DLEC1: variants seen among roughly 807,000 people sequenced by gnomAD.
DLEC1 encodes the protein deleted in lung and esophageal cancer protein 1.
A neutral mutation model predicts 198.1 loss-of-function variants in DLEC1; 146 were observed. The observed-to-expected ratio is 0.74, with a 90% CI of 0.64 to 0.85. DLEC1 has a LOEUF of 0.85. Among genes scored for constraint, DLEC1 ranks in the 40% least tolerant of loss-of-function variants. The pLI, the probability that DLEC1 is intolerant of heterozygous loss-of-function variation, is 0.00. For missense variants in DLEC1, 2,233 were observed against 2,220.0 expected (o/e 1.01, Z -0.12); for synonymous variants, 897 against 866.8 (o/e 1.03, Z -0.61).
chr3:38,105,756 T>A (rs1699537420), intron 19 of DLEC1, among the ~76,000 whole-genome samples: 1 of 152,206 alleles, frequency 6.6e-6, no homozygotes, highest in Admixed American at 6.5e-5. Flanking sequence ...TTTAATCCCT[T>A]TATATTTAAT....
In DLEC1 at chr3:38,093,600, G is replaced by A. The variant is rs923867029; in HGVS notation, c.1757-5G>A. 6.2e-7 allele frequency: 1 copy of A among 1,613,924 alleles called. No homozygotes were observed. The highest frequency in any genetic ancestry group is 1.3e-5 in the African/African-American group (1 of 74,880). ...TCACTGACTTCACTTACTCTACTTT[G>A]GCAGGAATTGGGCAGCTGATTGCTT... On this transcript the variant is annotated splice_polypyrimidine_tract_variant and splice_region_variant and intron_variant, in intron 11 of 36. Coordinates refer to ENST00000308059, the MANE Select transcript of DLEC1 (RefSeq NM_007335.4).
chr3:38,075,768 T>C (rs1037425011), intron 6 of DLEC1, among the ~76,000 whole-genome samples: 3 of 151,964 alleles, frequency 2.0e-5, no homozygotes, highest in Non-Finnish European at 4.4e-5. Flanking sequence ...TGGGGGTTCT[T>C]GCCCCCTAGA....
chr3:38,111,352 G>A (rs1699867282), intron 23 of DLEC1, among the ~76,000 whole-genome samples: 1 of 152,242 alleles, frequency 6.6e-6, no homozygotes, highest in Admixed American at 6.5e-5. Context: ...AGTCTGGGCT[G>A]GGTTTGTGTC....
intron 2 of DLEC1, among the ~76,000 whole-genome samples, chr3:38,055,752 G>A (rs1035496595): frequency 2.0e-5 from 3 of 152,096 alleles, no homozygotes; most frequent in African/African-American, 7.2e-5. Flanking sequence ...TTAACTGGGT[G>A]ACCCTGGTTA....
At position 38,116,837 on chromosome 3, in the gene DLEC1, C is replaced by T; in HGVS notation, c.4127C>T (p.Ala1376Val). The T allele has an allele frequency of 3.1e-6, 5 of 1,613,816 alleles. No homozygotes were observed. Among genetic ancestry groups the T allele is most frequent in the Non-Finnish European group, 4.2e-6 (5 of 1,179,880 alleles). The change falls in exon 29 of 37, where the codon GCA (alanine) becomes GTA (valine). Residue 1376 changes from alanine (A) to valine (V), a missense_variant. By Grantham distance (64) the Ala-to-Val change is moderately conservative. Transcript: ENST00000308059. ...AQKLISVILQ[A>V]HEGVPSGHLY... ...AAGCTCATCTCAGTCATCCTGCAGG[C>T]ACATGAGGGGGTGCCCTCCGGCCAC...
At chr3:38,103,074 G>A (rs1210194196) in intron 19 of DLEC1, 1 of 152,068 alleles carries the variant, frequency 6.6e-6, no homozygotes, top group Non-Finnish European at 1.5e-5. Context: ...AGGGCTTTAG[G>A]GTATCCATCA....
Position 38,107,564 on chromosome 3 carries a change from T to C in DLEC1, c.2865-20T>C, listed in dbSNP as rs751088932. 12 of 1,575,550 alleles carry C rather than the reference T, an allele frequency of 7.6e-6. No homozygotes were observed. The highest frequency in any genetic ancestry group is 1.0e-5 in the Non-Finnish European group (12 of 1,157,356). ...TTCTTCTTTTCTAATCAGTATGCCT[T>C]TTGTTTCCTCGTGTTCCAGCTACCT... On this transcript the variant is annotated intron_variant, in intron 19 of 36. Coordinates refer to ENST00000308059, the MANE Select transcript of DLEC1 (RefSeq NM_007335.4).
At position 38,085,256 on chromosome 3, in the gene DLEC1, C is replaced by G. The variant is rs1226506221; in HGVS notation, c.1262-18C>G. On this transcript the variant is annotated intron_variant, in intron 7 of 36. Coordinates refer to ENST00000308059, the MANE Select transcript of DLEC1 (RefSeq NM_007335.4). ...GGCTGCTCCCAGGATCCTCACTTGT[C>G]ACTTTTGTCATGCACAGGGATGTTC... The G allele has an allele frequency of 6.2e-7, 1 of 1,613,892 alleles. No individual in the cohort carries two copies. Among genetic ancestry groups the G allele is most frequent in the Non-Finnish European group, 8.5e-7 (1 of 1,179,940 alleles).
intron 19 of DLEC1, chr3:38,103,840 AAAATGC>A (rs1256374537): frequency 6.6e-6 from 1 of 152,214 alleles, no homozygotes; most frequent in Non-Finnish European, 1.5e-5. Flanking sequence ...TAGAGCAGTC[AAAATGC>A]ACACAGCATT....
intron 2 of DLEC1, among the ~76,000 whole-genome samples, chr3:38,048,183 G>A (rs543525627): frequency 6.6e-6 from 1 of 152,332 alleles, no homozygotes; most frequent in African/African-American, 2.4e-5. Context: ...CTGAGCTGGT[G>A]AGATGTTCCA....
chr3:38,121,808 C>T (rs369773952), intron 35 of DLEC1, 27 bp downstream of exon 35: 1 of 1,611,970 alleles, frequency 6.2e-7, no homozygotes, highest in Non-Finnish European at 8.5e-7. Context: ...CACCTACCCA[C>T]CGTTCCCCTA....
At chr3:38,059,468 A>G (rs1209331500) in intron 2 of DLEC1, among the ~76,000 whole-genome samples, 2 of 152,226 alleles carry the variant, frequency 1.3e-5, no homozygotes, top group East Asian at 3.8e-4. Flanking sequence ...CTTTTATTCA[A>G]TCTACCATAT....
rs1559465188 is a variant in DLEC1 at position 38,116,870 on chromosome 3, G to GT, written c.4161dup (p.Ile1388TyrfsTer28). On this transcript the variant is annotated frameshift_variant, in exon 29 of 37. Coordinates refer to ENST00000308059, the MANE Select transcript of DLEC1 (RefSeq NM_007335.4). LOFTEE classifies it high-confidence loss of function. ...GGGGTGCCCTCCGGCCACCTGTACT[G>GT]TATCAGCCCCAAGCAGGTGGTGAGT... 4 of 1,613,538 alleles carry GT rather than the reference G, an allele frequency of 2.5e-6. No individual in the cohort carries two copies. The highest frequency in any genetic ancestry group is 3.4e-6 in the Non-Finnish European group (4 of 1,179,760).
At chr3:38,090,586 A>G (rs1335534890) in intron 10 of DLEC1, among the ~76,000 whole-genome samples, 1 of 152,228 alleles carries the variant, frequency 6.6e-6, no homozygotes, top group Non-Finnish European at 1.5e-5. Flanking sequence ...TAAATTATAC[A>G]TACATCACTC....
In DLEC1 at chr3:38,059,675, T is replaced by C. The variant is rs1374624181; in HGVS notation, c.563-67T>C. 74 of 1,329,806 alleles carry C rather than the reference T, an allele frequency of 5.6e-5. No homozygotes were observed. The East Asian group carries it at 6.7e-4, about 12-fold the overall frequency. The allele number at this position is 1,329,806 out of a possible 1,614,324, so 82.4% of individuals were successfully genotyped here. A position where few individuals can be genotyped will look rare whatever the true frequency, so the allele number is the denominator to read the frequency against. On this transcript the variant is annotated intron_variant, in intron 2 of 36. Coordinates refer to ENST00000308059, the MANE Select transcript of DLEC1 (RefSeq NM_007335.4). ...TTTAGGCTTGGCGGATGAAGAAAGT[T>C]TGGGTGTGGGTTCTTCAAAGTCAGT...
Position 38,062,680 on chromosome 3 carries a change from C to T in DLEC1, c.973C>T (p.His325Tyr), listed in dbSNP as rs1696756738. The change falls in exon 5 of 37, where the codon CAC (histidine) becomes TAC (tyrosine). Residue 325 changes from histidine (H) to tyrosine (Y), a missense_variant. His to Tyr is a moderately conservative substitution (Grantham distance 83). Coordinates refer to ENST00000308059, the MANE Select transcript of DLEC1 (RefSeq NM_007335.4). ...GCTTGCCAGAATGGAGAGTCGGAAC[C>T]ACTTCCTAAAAAATCCCCGTTTTTT... is the stretch of plus-strand genomic sequence containing the variant. ...LLLARMESRN[H>Y]FLKNPRFFPP... 6.2e-7 allele frequency: 1 copy of T among 1,613,942 alleles called. No individual in the cohort carries two copies.
chr3:38,112,029 G>A lies in DLEC1; in HGVS notation c.3515-181G>A, dbSNP rs530044163. On this transcript the variant is annotated intron_variant, in intron 24 of 36. Transcript: ENST00000308059. The surrounding 1 kb of genome is among the most constrained non-coding windows in gnomAD (Gnocchi z 4.8). ...CTCAGGGAGTAGAGAGGCTGACCACGCAGGACCCTGAGTAGCTTGCCTCTG... is the reference window on the plus strand; with the variant it reads ...CTCAGGGAGTAGAGAGGCTGACCACACAGGACCCTGAGTAGCTTGCCTCTG... 1.1e-3 allele frequency among the ~76,000 whole-genome samples: 173 copies of A among 152,270 alleles called. No homozygotes were observed. The highest frequency in any genetic ancestry group is 2.0e-3 in the Non-Finnish European group (136 of 68,000).
intron 2 of DLEC1, among the ~76,000 whole-genome samples, chr3:38,050,884 G>C (rs1196740602): frequency 6.6e-6 from 1 of 151,840 alleles, no homozygotes; most frequent in East Asian, 1.9e-4. Flanking sequence ...TGATAGGTTG[G>C]TTATAGGAGA....
rs779183136 is a variant in DLEC1, at chr3:38,110,052, G to A, written c.3261-47G>A. 7.5e-6 allele frequency: 12 copies of A among 1,600,106 alleles called. No homozygotes were observed. In the East Asian group the frequency reaches 8.9e-5, roughly 12 times the overall value. ...AAGATGGCTCCCTGGGCAGGGCCAA[G>A]GGTGGTGTGTTACATAGTACCAATG... On this transcript the variant is annotated intron_variant, in intron 22 of 36. Coordinates refer to ENST00000308059, the MANE Select transcript of DLEC1 (RefSeq NM_007335.4).
Sources: allele counts gnomAD v4.1 joint callset (sites outside exome capture counted in the v4.1 genomes callset), GRCh38; gene constraint gnomAD v4.1.1; non-coding constraint Gnocchi (gnomAD v3.1); transcripts MANE v1.5; gene names NCBI Gene and HGNC (gene_info 2026-07-23, HGNC 2026-07-21).